The following DISP3 variants were observed in gnomAD, a reference collection of about 807,000 sequenced individuals.
DISP3 encodes dispatched RND transporter family member 3.
DISP3 carries 101 observed loss-of-function variants against 135.3 expected under a neutral mutation model. That is an observed-to-expected ratio of 0.75 (90% CI 0.64 to 0.88). DISP3 has a LOEUF of 0.88. DISP3 is among the 40% of genes least tolerant of loss of function. The probability of loss-of-function intolerance (pLI) is 0.00; values close to 1 mark genes in which losing one functional copy is unlikely to be tolerated. For synonymous variants in DISP3, 856 were observed against 817.0 expected (o/e 1.05, Z -0.81); for missense variants, 1,713 against 1,878.6 (o/e 0.91, Z 1.63).
At chr1:11,530,583 G>T (rs917781754) in intron 15 of DISP3, among the ~76,000 whole-genome samples, 1 of 152,038 alleles carries the variant, frequency 6.6e-6, no homozygotes, top group Non-Finnish European at 1.5e-5. Flanking sequence ...GACCAGGCAG[G>T]TTCTGCAGGA....
chr1:11,502,769 C>T lies in DISP3; in HGVS notation c.1188C>T (p.Arg396=). The part of the protein sequence containing the change: ...SADNLKSSLL[R]SEILFGAPLP... ...ACAATCTGAAGAGCTCCCTCCTGCG[C>T]AGTGAGATCCTGTTTGGAGCACCCC... is the stretch of plus-strand genomic sequence containing the variant. The change falls in exon 3 of 21, where the codon CGC becomes CGT. Residue 396 remains arginine (R), a synonymous_variant. Transcript: ENST00000294484. The T allele has an allele frequency of 6.2e-7, 1 of 1,614,210 alleles. No homozygotes were observed. The highest frequency in any genetic ancestry group is 8.5e-7 in the Non-Finnish European group (1 of 1,180,036).
intron 3 of DISP3, among the ~76,000 whole-genome samples, chr1:11,508,354 G>C (rs982482847): frequency 2.6e-5 from 4 of 152,044 alleles, no homozygotes; most frequent in Admixed American, 6.6e-5. Context: ...GGAGTTCAAG[G>C]CTGCAGTGAA....
At chr1:11,522,922 A>AGGACCCAGCCAGGGCCCAGCC (rs1642283533) in intron 10 of DISP3, among the ~76,000 whole-genome samples, 3 of 22,636 alleles carry the variant, frequency 1.3e-4, no homozygotes, top group Non-Finnish European at 1.8e-4. Flanking sequence ...AGGACCCAGC[A>AGGACCCAGCCAGGGCCCAGCC]AGGACCCAGC....
At chr1:11,504,469 C>T (rs1278291494) in intron 3 of DISP3, among the ~76,000 whole-genome samples, 1 of 152,240 alleles carries the variant, frequency 6.6e-6, no homozygotes, top group Non-Finnish European at 1.5e-5. Context: ...AGAGGCTGGA[C>T]TAAATGCCCA....
chr1:11,509,866 C>T (rs113707009), intron 3 of DISP3, among the ~76,000 whole-genome samples: 156 of 152,090 alleles, frequency 1.0e-3, no homozygotes, highest in African/African-American at 3.5e-3. Context: ...TTTGGGAGGC[C>T]GAGGCAGGTG....
intron 3 of DISP3, among the ~76,000 whole-genome samples, chr1:11,512,310 C>G (rs1370088919): frequency 1.3e-5 from 2 of 152,042 alleles, no homozygotes; most frequent in Non-Finnish European, 2.9e-5. Flanking sequence ...CTTTTATGCT[C>G]TACTTCCCTT....
intron 12 of DISP3, 125 bp from the exon 13 acceptor site, chr1:11,526,526 C>T: frequency 8.7e-7 from 1 of 1,148,050 alleles, no homozygotes; most frequent in East Asian, 2.4e-5. Flanking sequence ...GGGCTCTGTC[C>T]CCAACTCCGA....
chr1:11,501,565 G>T lies in DISP3; in HGVS notation c.573G>T (p.Ala191=), dbSNP rs765533017. The change falls in exon 2 of 21, where the codon GCG becomes GCT. Residue 191 remains alanine, a synonymous_variant. Transcript: ENST00000294484. This position sits in a 1 kb window ranked among gnomAD's most constrained non-coding sequence, Gnocchi z 4.9. ...GGPGPYRDTS[A]AQKPTANRSG... is the part of the protein sequence containing the mutation. ...CAGGCCCTTACCGGGACACTTCCGC[G>T]GCTCAAAAGCCCACAGCCAATCGGA... 3.8e-6 allele frequency: 6 copies of T among 1,587,700 alleles called. No individual in the cohort carries two copies. The highest frequency in any genetic ancestry group is 3.4e-5 in the South Asian group (3 of 88,316).
intron 3 of DISP3, among the ~76,000 whole-genome samples, chr1:11,507,680 C>T (rs1641746490): frequency 6.6e-6 from 1 of 152,192 alleles, no homozygotes; most frequent in Non-Finnish European, 1.5e-5. Flanking sequence ...GAGTCTTAGC[C>T]CTCTAATTCG....
rs769307396 is a variant in DISP3 at position 11,536,386 on chromosome 1, C to A, written c.3879C>A (p.Ile1293=). The A allele has an allele frequency of 1.2e-6, 2 of 1,610,618 alleles. No individual in the cohort carries two copies. Among genetic ancestry groups the A allele is most frequent in the Non-Finnish European group, 1.7e-6 (2 of 1,179,948 alleles). ...LEAVRHVGVA[I]VSSALTTVIA... is the part of the protein sequence containing the mutation. ...CCGTGCGGCACGTGGGCGTGGCCAT[C>A]GTCTCCAGTGCCCTCACCACGGTCA... Residue 1293 remains isoleucine (I), a synonymous_variant, in exon 21 of 21, where the codon ATC becomes ATA. Transcript: ENST00000294484. This position sits in a 1 kb window ranked among gnomAD's most constrained non-coding sequence, Gnocchi z 4.3.
intron 3 of DISP3, 79 bp from the exon 4 acceptor site, chr1:11,514,311 C>T (rs1388675139): frequency 2.0e-6 from 3 of 1,478,292 alleles, no homozygotes; most frequent in Non-Finnish European, 2.8e-6. Flanking sequence ...TCCTGATACT[C>T]CTCTACATGT....
At chr1:11,498,575 C>A (rs1179472078) in intron 1 of DISP3, among the ~76,000 whole-genome samples, 3 of 152,110 alleles carry the variant, frequency 2.0e-5, no homozygotes, top group African/African-American at 7.2e-5. Context: ...GGCAGCCTTG[C>A]CTGCTTGATG....
At position 11,519,387 on chromosome 1, in the gene DISP3, T is replaced by C. The variant is rs1338550044; in HGVS notation, c.1922T>C (p.Leu641Pro). 2 of 1,613,736 alleles carry C rather than the reference T, an allele frequency of 1.2e-6. No homozygotes were observed. The highest frequency in any genetic ancestry group is 4.5e-5 in the East Asian group (2 of 44,858). The change falls in exon 8 of 21, where the codon CTG (leucine) becomes CCG (proline). Residue 641 changes from leucine (L) to proline (P), a missense_variant. Around this residue, in one of 2 missense-constraint regions of DISP3, gnomAD observed 1,142 missense variants for 1,384.6 expected, o/e 0.82. Coordinates refer to ENST00000294484, the MANE Select transcript of DISP3 (RefSeq NM_020780.2). This position sits in a 1 kb window ranked among gnomAD's most constrained non-coding sequence, Gnocchi z 4.3. ...CHQNCSRKTS[L>P]HFPGDVFAAP... is the part of the protein sequence containing the mutation. ...CAGAATTGCAGCCGGAAGACCTCCC[T>C]GCACTTCCCCGGAGACGTGTTTGCC...
chr1:11,532,233 G>T (rs1642593586), intron 17 of DISP3, among the ~76,000 whole-genome samples: 1 of 152,328 alleles, frequency 6.6e-6, no homozygotes, highest in South Asian at 2.1e-4. Context: ...CCTGGGCACT[G>T]TGGGGACTCT....
chr1:11,525,080 T>C lies in DISP3; in HGVS notation c.2477-96T>C. The C allele has an allele frequency of 2.0e-6, 3 of 1,466,736 alleles. No individual in the cohort carries two copies. In the South Asian group the frequency reaches 3.7e-5, roughly 18 times the overall value. The allele number at this position is 1,466,736 out of a possible 1,614,324, so 90.9% of individuals were successfully genotyped here. ...GATGAGCCCAAGGCCAGGACTGAGCTCGTTAGTCGACAGAGCTGAGGGTGG... is the reference window on the plus strand; with the variant it reads ...GATGAGCCCAAGGCCAGGACTGAGCCCGTTAGTCGACAGAGCTGAGGGTGG... On this transcript the variant is annotated intron_variant, in intron 11 of 20. Coordinates refer to ENST00000294484, the MANE Select transcript of DISP3 (RefSeq NM_020780.2).
At chr1:11,533,577 C>T (rs1642627896) in intron 17 of DISP3, 1 of 562,080 alleles carries the variant, frequency 1.8e-6, no homozygotes, top group Non-Finnish European at 3.2e-6. Flanking sequence ...TCATTTTACT[C>T]AGTGCAAGGT....
In DISP3 at chr1:11,536,867, T is replaced by G. The variant is rs1338388890; in HGVS notation, c.*181T>G. Reference sequence around the variant, plus strand: ...CCATGCTGCCTTGTGGAGCTGGGAGTTGGAGACAGCCGCCACCCCACAGGC... The same window carrying G: ...CCATGCTGCCTTGTGGAGCTGGGAGGTGGAGACAGCCGCCACCCCACAGGC... On this transcript the variant is annotated 3_prime_UTR_variant, in exon 21 of 21. Coordinates refer to ENST00000294484, the MANE Select transcript of DISP3 (RefSeq NM_020780.2). The surrounding 1 kb of genome is among the most constrained non-coding windows in gnomAD (Gnocchi z 4.3). 8 of 891,690 alleles carry G rather than the reference T, an allele frequency of 9.0e-6. No homozygotes were observed. Among genetic ancestry groups the G allele is most frequent in the Non-Finnish European group, 1.3e-5 (8 of 616,804 alleles). The allele number at this position is 891,690 out of a possible 1,614,324, so 55.2% of individuals were successfully genotyped here.
At chr1:11,527,558 A>AG (rs1642459938) in intron 13 of DISP3, among the ~76,000 whole-genome samples, 1 of 151,616 alleles carries the variant, frequency 6.6e-6, no homozygotes, top group African/African-American at 2.4e-5. Context: ...AAAAAAAAAA[A>AG]AAAAGAGAAA....
Position 11,499,545 on chromosome 1 carries a change from A to C in DISP3, c.-3-1445A>C, listed in dbSNP as rs1641440937. ...AATGGGAAGTTTAATTATTTCATTA[A>C]TACGAATCTTGCATATTACAGGAGC... is the stretch of plus-strand genomic sequence containing the variant. On this transcript the variant is annotated intron_variant, in intron 1 of 20. Coordinates refer to ENST00000294484, the MANE Select transcript of DISP3 (RefSeq NM_020780.2). The surrounding 1 kb of genome is among the most constrained non-coding windows in gnomAD (Gnocchi z 5.2). Among the ~76,000 whole-genome samples, 1 of 152,168 alleles carries C rather than the reference A, an allele frequency of 6.6e-6. No homozygotes were observed. Among genetic ancestry groups the C allele is most frequent in the Non-Finnish European group, 1.5e-5 (1 of 68,038 alleles).
Sources: allele counts gnomAD v4.1 joint callset (sites outside exome capture counted in the v4.1 genomes callset), GRCh38; gene constraint gnomAD v4.1.1; regional missense constraint gnomAD v4.1.1; non-coding constraint Gnocchi (gnomAD v3.1); transcripts MANE v1.5; gene names NCBI Gene and HGNC (gene_info 2026-07-23, HGNC 2026-07-21).